LDB2: variants seen among roughly 807,000 people sequenced by gnomAD.
The protein encoded by LDB2 is LIM domain binding 2.
Under a neutral mutation model 44.3 loss-of-function variants are expected in LDB2, and 12 were observed. The ratio of observed to expected loss-of-function variants is 0.27; its 90% CI spans 0.17 to 0.44. LDB2 has a LOEUF of 0.44. Among genes scored for constraint, LDB2 ranks in the 20% least tolerant of loss-of-function variants. The pLI is 1.00. For missense variants in LDB2, 344 were observed against 473.5 expected, an observed-to-expected ratio of 0.73 and a Z score of 2.54; for synonymous variants, 164 against 174.8, an observed-to-expected ratio of 0.94 and a Z score of 0.49.
At chr4:16,871,680 C>T (rs62298193) in intron 1 of LDB2, among the ~76,000 whole-genome samples, 30,791 of 147,790 alleles carry the variant, frequency 0.21, 3,739 homozygotes, top group South Asian at 0.4. Flanking sequence ...AGTGCAGTGG[C>T]ACGATCTCAG....
intron 5 of LDB2, among the ~76,000 whole-genome samples, chr4:16,544,630 A>G (rs1487003847): frequency 1.3e-5 from 2 of 152,170 alleles, no homozygotes; most frequent in Non-Finnish European, 2.9e-5. Flanking sequence ...ATTTCCCAAC[A>G]GGGTAGATGG....
intron 2 of LDB2, among the ~76,000 whole-genome samples, chr4:16,681,866 C>T (rs987635405): frequency 2.6e-5 from 4 of 151,984 alleles, no homozygotes; most frequent in Non-Finnish European, 4.4e-5. Flanking sequence ...CGACTGTGCC[C>T]GGCCTCTATT....
Position 16,554,269 on chromosome 4 carries a change from C to T in LDB2, c.615+31653G>A, listed in dbSNP as rs1234720392. Among the ~76,000 whole-genome samples, 12 of 152,176 alleles carry T rather than the reference C, an allele frequency of 7.9e-5. No individual in the cohort carries two copies. In the East Asian group the frequency reaches 1.2e-3, roughly 15 times the overall value. On this transcript the variant is annotated intron_variant, in intron 5 of 7. Transcript: ENST00000304523. Reference sequence around the variant, plus strand: ...TTCTCCATGTTGGTCAGGCTGGTCTCGAACTCCCAGCCTCAGGTGATCCAC... The same window carrying T: ...TTCTCCATGTTGGTCAGGCTGGTCTTGAACTCCCAGCCTCAGGTGATCCAC...
intron 5 of LDB2, among the ~76,000 whole-genome samples, chr4:16,536,498 T>C (rs1189443398): frequency 2.0e-5 from 3 of 152,202 alleles, no homozygotes; most frequent in African/African-American, 7.2e-5. Flanking sequence ...TGGAAGTTGA[T>C]GATTTTCCTT....
rs536828080 is a variant in LDB2, at chr4:16,529,884, G to T, written c.616-17780C>A. ...CATCTGTCTGATGCTGCCCATTCAG[G>T]CATTGAGTCTCTAGATGTGAGAAAG... On this transcript the variant is annotated intron_variant, in intron 5 of 7. Coordinates refer to ENST00000304523, the MANE Select transcript of LDB2 (RefSeq NM_001290.5). Among the ~76,000 whole-genome samples the T allele has an allele frequency of 5.3e-5, 8 of 152,256 alleles. No homozygotes were observed. The East Asian group carries it at 1.5e-3, about 29-fold the overall frequency.
At chr4:16,712,214 T>C (rs535820465) in intron 2 of LDB2, among the ~76,000 whole-genome samples, 31 of 152,234 alleles carry the variant, frequency 2.0e-4, no homozygotes, top group African/African-American at 7.0e-4. Flanking sequence ...AACTCAACAA[T>C]AAAAGGCAAC....
At chr4:16,569,448 A>G (rs1421438191) in intron 5 of LDB2, among the ~76,000 whole-genome samples, 1 of 152,220 alleles carries the variant, frequency 6.6e-6, no homozygotes, top group Non-Finnish European at 1.5e-5. Context: ...AACAAATTTT[A>G]AGGAGATCAG....
intron 2 of LDB2, among the ~76,000 whole-genome samples, chr4:16,633,702 G>A (rs1171261867): frequency 6.6e-6 from 1 of 152,110 alleles, no homozygotes; most frequent in Non-Finnish European, 1.5e-5. Flanking sequence ...GTAAGTTATA[G>A]GTTCAATGCT....
In LDB2 at chr4:16,598,181, C is replaced by T. The variant is rs568870451; in HGVS notation, c.236-2306G>A. 2.6e-5 allele frequency among the ~76,000 whole-genome samples: 4 copies of T among 152,314 alleles called. No individual in the cohort carries two copies. The East Asian group carries it at 7.7e-4, about 29-fold the overall frequency. ...AATCTGAGCTTGGCCCTGTGATCTG[C>T]TGTAATCAACTGAATGTGGCATGAC... On this transcript the variant is annotated intron_variant, in intron 2 of 7. Coordinates refer to ENST00000304523, the MANE Select transcript of LDB2 (RefSeq NM_001290.5).
intron 2 of LDB2, among the ~76,000 whole-genome samples, chr4:16,659,516 T>C (rs1268856571): frequency 6.6e-6 from 1 of 151,330 alleles, no homozygotes; most frequent in Non-Finnish European, 1.5e-5. Flanking sequence ...TTTAATTTGT[T>C]TTAAATTAAC....
At chr4:16,644,827 T>C (rs1319274902) in intron 2 of LDB2, among the ~76,000 whole-genome samples, 1 of 152,218 alleles carries the variant, frequency 6.6e-6, no homozygotes, top group African/African-American at 2.4e-5. Flanking sequence ...CTAGTTCTTT[T>C]CCGATCATCT....
At chr4:16,736,925 C>A (rs1246254132) in intron 2 of LDB2, among the ~76,000 whole-genome samples, 1 of 151,982 alleles carries the variant, frequency 6.6e-6, no homozygotes, top group African/African-American at 2.4e-5. Flanking sequence ...CTGATTAAAT[C>A]CCCCAAAATC....
At chr4:16,858,371 T>G (rs920218470) in intron 1 of LDB2, among the ~76,000 whole-genome samples, 2 of 152,238 alleles carry the variant, frequency 1.3e-5, no homozygotes, top group African/African-American at 4.8e-5. Context: ...GAGGGCTTCA[T>G]GCATGATGCA....
intron 2 of LDB2, among the ~76,000 whole-genome samples, chr4:16,609,971 C>T (rs539501079): frequency 5.1e-4 from 78 of 152,216 alleles, no homozygotes; most frequent in African/African-American, 1.8e-3. Flanking sequence ...GGTGTCCCTT[C>T]GGGTCAGAGA....
Position 16,860,522 on chromosome 4 carries a change from T to C in LDB2, c.132+37832A>G, listed in dbSNP as rs183616164. Reference sequence around the variant, plus strand: ...AGCCATCTGCCTATACTTTTATAAATGAGTGCCACCTAAGGCTACCACCCA... The same window carrying C: ...AGCCATCTGCCTATACTTTTATAAACGAGTGCCACCTAAGGCTACCACCCA... On this transcript the variant is annotated intron_variant, in intron 1 of 7. Coordinates refer to ENST00000304523, the MANE Select transcript of LDB2 (RefSeq NM_001290.5). Among the ~76,000 whole-genome samples the C allele has an allele frequency of 5.3e-5, 8 of 152,324 alleles. No homozygotes were observed. In the East Asian group the frequency reaches 1.4e-3, roughly 26 times the overall value.
At chr4:16,858,314 A>T (rs568006475) in intron 1 of LDB2, among the ~76,000 whole-genome samples, 79 of 152,318 alleles carry the variant, frequency 5.2e-4, no homozygotes, top group Non-Finnish European at 9.6e-4. Flanking sequence ...GAAAGCATAG[A>T]GCGCTTTATA....
chr4:16,768,885 G>T (rs569722748), intron 1 of LDB2, among the ~76,000 whole-genome samples: 2 of 152,112 alleles, frequency 1.3e-5, no homozygotes, highest in Non-Finnish European at 2.9e-5. Context: ...AGAAAACTGA[G>T]GCACTGAGGA....
At chr4:16,848,641 T>C (rs1180563471) in intron 1 of LDB2, among the ~76,000 whole-genome samples, 1 of 152,118 alleles carries the variant, frequency 6.6e-6, no homozygotes, top group Non-Finnish European at 1.5e-5. Context: ...ACAAAAGAAA[T>C]AACCTTCTCC....
intron 1 of LDB2, among the ~76,000 whole-genome samples, chr4:16,855,549 A>T (rs1317100320): frequency 1.3e-5 from 2 of 152,180 alleles, no homozygotes; most frequent in South Asian, 2.1e-4. Context: ...TCAGATGTAT[A>T]TTTGGCAGAT....
Sources: allele counts gnomAD v4.1 joint callset (sites outside exome capture counted in the v4.1 genomes callset), GRCh38; gene constraint gnomAD v4.1.1; transcripts MANE v1.5; gene names NCBI Gene and HGNC (gene_info 2026-07-23, HGNC 2026-07-21).